The following HERC1 variants were observed in gnomAD, a reference collection of about 807,000 sequenced individuals.
HERC1 encodes the protein probable E3 ubiquitin-protein ligase HERC1.
Under a neutral mutation model 554.3 loss-of-function variants are expected in HERC1, and 160 were observed. The ratio of observed to expected loss-of-function variants is 0.29; its 90% CI spans 0.25 to 0.33. The LOEUF is 0.33. Ranked by LOEUF, HERC1 falls within the 10% of genes least tolerant of loss-of-function variation. HERC1 has a pLI of 1.00. For synonymous variants in HERC1, 2,175 were observed against 2,131.7 expected, an observed-to-expected ratio of 1.02 and a Z score of -0.56; for missense variants, 4,919 against 5,918.5, an observed-to-expected ratio of 0.83 and a Z score of 5.54.
chr15:63,815,271 C>T (rs2077456455), intron 1 of HERC1, among the ~76,000 whole-genome samples: 1 of 152,202 alleles, frequency 6.6e-6, no homozygotes. Context: ...CTCCACCTTC[C>T]ATATCTTGCA....
chr15:63,823,958 A>T (rs78501477), intron 1 of HERC1, among the ~76,000 whole-genome samples: 5 of 152,328 alleles, frequency 3.3e-5, no homozygotes, highest in Admixed American at 6.5e-5. Flanking sequence ...ATAGCAAAAA[A>T]CAAAAATGAA....
At chr15:63,618,518 A>T (rs1296945381) in intron 74 of HERC1, among the ~76,000 whole-genome samples, 5 of 81,106 alleles carry the variant, frequency 6.2e-5, no homozygotes, top group African/African-American at 3.1e-4. Flanking sequence ...ACTTTAAAGT[A>T]GTTTTTTCCA....
chr15:63,621,857 T>C (rs1595836314), intron 74 of HERC1, among the ~76,000 whole-genome samples: 2 of 152,326 alleles, frequency 1.3e-5, no homozygotes, highest in African/African-American at 4.8e-5. Context: ...CTTTAAGGAC[T>C]TCTCTGCATT....
intron 46 of HERC1, among the ~76,000 whole-genome samples, chr15:63,660,682 G>A (rs1453379271): frequency 1.3e-5 from 2 of 151,686 alleles, no homozygotes; most frequent in Non-Finnish European, 2.9e-5. Context: ...CACAATTAGG[G>A]TGGAAATTCA....
intron 26 of HERC1, among the ~76,000 whole-genome samples, chr15:63,697,257 CTG>C (rs967260416): frequency 2.6e-5 from 4 of 152,056 alleles, no homozygotes; most frequent in Admixed American, 1.3e-4. Flanking sequence ...GTGACAGATT[CTG>C]TCTTTCCTTC....
chr15:63,723,460 C>G, intron 18 of HERC1, 105 bp from the exon 19 acceptor site: 1 of 798,122 alleles, frequency 1.3e-6, no homozygotes, highest in Non-Finnish European at 1.9e-6. Context: ...AAACTTCAAA[C>G]CATTTTAAGT....
intron 68 of HERC1, among the ~76,000 whole-genome samples, chr15:63,631,041 C>T (rs537369734): frequency 2.6e-5 from 4 of 152,214 alleles, no homozygotes; most frequent in South Asian, 4.2e-4. Flanking sequence ...TGCAGTGGTG[C>T]GACCTCGGCT....
At chr15:63,777,344 A>T (rs891911721) in intron 1 of HERC1, among the ~76,000 whole-genome samples, 1 of 152,212 alleles carries the variant, frequency 6.6e-6, no homozygotes, top group Non-Finnish European at 1.5e-5. Flanking sequence ...CCTCCATCCC[A>T]CCCTGACTTC....
intron 1 of HERC1, among the ~76,000 whole-genome samples, chr15:63,817,069 A>G (rs2077516519): frequency 6.6e-6 from 1 of 152,212 alleles, no homozygotes; most frequent in African/African-American, 2.4e-5. Flanking sequence ...CAATGAGACT[A>G]AGGGAAACTT....
chr15:63,757,184 G>C (rs2075444895), intron 4 of HERC1, among the ~76,000 whole-genome samples: 1 of 149,794 alleles, frequency 6.7e-6, no homozygotes, highest in South Asian at 2.1e-4. Context: ...TTCTAGCTGG[G>C]CTACAAATGT....
rs1288630634 is a variant in HERC1 at position 63,752,907 on chromosome 15, C to A, written c.1902+51G>T. 2.3e-5 allele frequency: 36 copies of A among 1,539,234 alleles called. No homozygotes were observed. In the Admixed American group the frequency reaches 6.9e-4, roughly 29 times the overall value. The stretch of plus-strand genomic sequence containing the variant: ...AAATACAAGTATTACTTTTTAGTCA[C>A]CTAATCCTCTGAAATACTCTAAGTC... On this transcript the variant is annotated intron_variant, in intron 8 of 77. Transcript: ENST00000443617.
At chr15:63,723,024 CA>C (rs2073887119) in intron 19 of HERC1, among the ~76,000 whole-genome samples, 157 bp downstream of exon 19, 1 of 151,746 alleles carries the variant, frequency 6.6e-6, no homozygotes. Context: ...CTATTTTCCA[CA>C]AAGGGAAAAA....
intron 52 of HERC1, among the ~76,000 whole-genome samples, chr15:63,651,833 T>C (rs2069700192): frequency 1.3e-5 from 2 of 152,106 alleles, no homozygotes; most frequent in Admixed American, 1.3e-4. Flanking sequence ...GTCAGGAGTT[T>C]GAGACCAGCC....
chr15:63,645,767 C>T, intron 55 of HERC1, 85 bp from the exon 56 acceptor site: 1 of 754,522 alleles, frequency 1.3e-6, no homozygotes, highest in South Asian at 2.2e-5. Context: ...ACTTATATTT[C>T]TTAGCATCTA....
intron 1 of HERC1, among the ~76,000 whole-genome samples, chr15:63,784,684 T>G (rs1234283607): frequency 1.3e-5 from 2 of 152,132 alleles, no homozygotes; most frequent in Non-Finnish European, 2.9e-5. Context: ...CTCGGCTCAC[T>G]GCAACCTCCG....
At chr15:63,790,727 G>T (rs927528992) in intron 1 of HERC1, among the ~76,000 whole-genome samples, 4 of 151,518 alleles carry the variant, frequency 2.6e-5, no homozygotes, top group African/African-American at 7.3e-5. Context: ...GTTTAAAAAT[G>T]ACTGCATAAA....
chr15:63,609,108 G>T lies in HERC1; in HGVS notation c.14559C>A (p.Asn4853Lys), dbSNP rs2228518. Reference protein sequence around the residue: ...DNYMLSRNVDNAEGSDTDY With the variant: ...DNYMLSRNVDKAEGSDTDY Reference sequence around the variant, plus strand: ...AGTAGTCAGTGTCGGAGCCCTCGGCGTTGTCCACGTTTCTCGAGAGCATGT... The same window carrying T: ...AGTAGTCAGTGTCGGAGCCCTCGGCTTTGTCCACGTTTCTCGAGAGCATGT... Residue 4853 changes from asparagine to lysine, a missense_variant, in exon 78 of 78, where the codon AAC becomes AAA. Physicochemically the swap from Asn to Lys is moderately conservative, Grantham distance 94 (BLOSUM62 0). Around this residue, in one of 11 missense-constraint regions of HERC1, gnomAD observed 71 missense variants for 101.4 expected, o/e 0.70. Coordinates refer to ENST00000443617, the MANE Select transcript of HERC1 (RefSeq NM_003922.4). 6.2e-7 allele frequency: 1 copy of T among 1,613,772 alleles called. No homozygotes were observed. Among genetic ancestry groups the T allele is most frequent in the South Asian group, 1.1e-5 (1 of 90,980 alleles).
rs1433546132 is a variant in HERC1 at position 63,640,135 on chromosome 15, G to C, written c.11901+17C>G. ...AAAATCTCAGCTGCAAATAATAGCAGCTCACAGTACATTTACCATTAGAAA... is the reference window on the plus strand; with the variant it reads ...AAAATCTCAGCTGCAAATAATAGCACCTCACAGTACATTTACCATTAGAAA... On this transcript the variant is annotated intron_variant, in intron 61 of 77. Coordinates refer to ENST00000443617, the MANE Select transcript of HERC1 (RefSeq NM_003922.4). 1.2e-6 allele frequency: 2 copies of C among 1,609,236 alleles called. No homozygotes were observed. The highest frequency in any genetic ancestry group is 2.2e-5 in the South Asian group (2 of 90,934).
At chr15:63,818,206 GA>G (rs1005111426) in intron 1 of HERC1, among the ~76,000 whole-genome samples, 8 of 151,870 alleles carry the variant, frequency 5.3e-5, no homozygotes, top group Admixed American at 2.6e-4. Context: ...AACAGTCACA[GA>G]AAAAAAATTG....
Sources: allele counts gnomAD v4.1 joint callset (sites outside exome capture counted in the v4.1 genomes callset), GRCh38; gene constraint gnomAD v4.1.1; regional missense constraint gnomAD v4.1.1; transcripts MANE v1.5; gene names NCBI Gene and HGNC (gene_info 2026-07-23, HGNC 2026-07-21).